DLGAP2: variants seen among roughly 807,000 people sequenced by gnomAD.
DLGAP2 encodes DLG associated protein 2.
Under a neutral mutation model 100.3 loss-of-function variants are expected in DLGAP2, and 26 were observed. The observed-to-expected ratio is 0.26, with a 90% CI of 0.19 to 0.36. DLGAP2 has a LOEUF of 0.36. Ranked by LOEUF, DLGAP2 falls within the 10% of genes least tolerant of loss-of-function variation. The pLI is 1.00. For missense variants in DLGAP2, 1,858 were observed against 1,453.2 expected (o/e 1.28, Z -4.53); for synonymous variants, 886 against 630.1 (o/e 1.41, Z -6.08).
intron 2 of DLGAP2, among the ~76,000 whole-genome samples, chr8:1,065,863 C>G (rs1331620256): frequency 6.6e-6 from 1 of 152,156 alleles, no homozygotes; most frequent in Non-Finnish European, 1.5e-5. Context: ...GAAATCTTTC[C>G]TAGCTATTTG....
At chr8:1,487,893 G>A (rs568854210) in intron 3 of DLGAP2, among the ~76,000 whole-genome samples, 1 of 152,362 alleles carries the variant, frequency 6.6e-6, no homozygotes, top group African/African-American at 2.4e-5. Flanking sequence ...GGTCACCACA[G>A]TTGCTGGAGC....
chr8:789,955 T>C (rs1415574292), intron 1 of DLGAP2, among the ~76,000 whole-genome samples: 1 of 152,198 alleles, frequency 6.6e-6, no homozygotes, highest in Non-Finnish European at 1.5e-5. Flanking sequence ...CTGATCTCTG[T>C]TTTGTCCTGT....
At chr8:905,921 G>A (rs1360584628) in intron 1 of DLGAP2, among the ~76,000 whole-genome samples, 1 of 151,710 alleles carries the variant, frequency 6.6e-6, no homozygotes, top group African/African-American at 2.4e-5. Context: ...GACCATGAAA[G>A]GGCAGCGATG....
chr8:915,363 C>T (rs912172515), intron 2 of DLGAP2, among the ~76,000 whole-genome samples: 22 of 152,208 alleles, frequency 1.4e-4, no homozygotes, highest in African/African-American at 3.1e-4. Context: ...CTGGCTAACA[C>T]GGTGAAACCC....
At chr8:1,257,748 G>A (rs1234841053) in intron 2 of DLGAP2, among the ~76,000 whole-genome samples, 1 of 151,358 alleles carries the variant, frequency 6.6e-6, no homozygotes, top group African/African-American at 2.4e-5. Context: ...CAGCGCTGAC[G>A]TGGAAGAGCC....
At chr8:1,617,740 T>A (rs1797203769) in intron 6 of DLGAP2, among the ~76,000 whole-genome samples, 1 of 152,182 alleles carries the variant, frequency 6.6e-6, no homozygotes, top group Non-Finnish European at 1.5e-5. Context: ...TCTACCATAA[T>A]GGACAGCGCA....
intron 3 of DLGAP2, among the ~76,000 whole-genome samples, chr8:1,373,502 C>A (rs1241989553): frequency 6.6e-6 from 1 of 152,230 alleles, no homozygotes; most frequent in African/African-American, 2.4e-5. Flanking sequence ...GTGGACACGT[C>A]TGCCCACAAA....
chr8:1,466,345 C>T (rs1374076804), intron 3 of DLGAP2, among the ~76,000 whole-genome samples: 1 of 152,124 alleles, frequency 6.6e-6, no homozygotes, highest in Admixed American at 6.5e-5. Flanking sequence ...CCCTCATCCT[C>T]AGCCGTGGCT....
At chr8:1,661,765 G>A (rs952187580) in intron 8 of DLGAP2, among the ~76,000 whole-genome samples, 1 of 152,198 alleles carries the variant, frequency 6.6e-6, no homozygotes, top group East Asian at 1.9e-4. Context: ...AGATAAGACA[G>A]ATGTAACTTT....
intron 5 of DLGAP2, among the ~76,000 whole-genome samples, chr8:1,563,186 G>T (rs1366868303): frequency 3.5e-5 from 2 of 57,614 alleles, no homozygotes; most frequent in African/African-American, 1.3e-4. Context: ...GCTGTGTGGT[G>T]TTGGGGTGTC....
chr8:1,229,589 T>C (rs541038439), intron 2 of DLGAP2, among the ~76,000 whole-genome samples: 1 of 152,160 alleles, frequency 6.6e-6, no homozygotes, highest in East Asian at 1.9e-4. Flanking sequence ...CATTTCTGAT[T>C]GTGCTTATTG....
At chr8:1,104,423 G>A (rs952655803) in intron 2 of DLGAP2, among the ~76,000 whole-genome samples, 1 of 152,216 alleles carries the variant, frequency 6.6e-6, no homozygotes, top group South Asian at 2.1e-4. Flanking sequence ...TCATGTTACG[G>A]AAATCCCTTT....
chr8:1,458,163 C>A (rs1798375019), intron 3 of DLGAP2, among the ~76,000 whole-genome samples: 2 of 151,788 alleles, frequency 1.3e-5, no homozygotes, highest in Admixed American at 6.6e-5. Context: ...GCCTCGGCCT[C>A]CCAAAGTGCT....
chr8:1,346,567 GT>G (rs1440219799), intron 3 of DLGAP2, among the ~76,000 whole-genome samples: 2 of 151,268 alleles, frequency 1.3e-5, no homozygotes, highest in Non-Finnish European at 2.9e-5. Context: ...CTGTGTGGGT[GT>G]TGAGTTCCCA....
At chr8:1,409,462 A>G (rs1342105906) in intron 3 of DLGAP2, among the ~76,000 whole-genome samples, 1 of 152,220 alleles carries the variant, frequency 6.6e-6, no homozygotes. Flanking sequence ...CTCAGTAAAG[A>G]CTGATTTCAG....
At chr8:1,200,696 G>C (rs1282198144) in intron 2 of DLGAP2, among the ~76,000 whole-genome samples, 2 of 151,670 alleles carry the variant, frequency 1.3e-5, no homozygotes, top group Admixed American at 6.5e-5. Flanking sequence ...ACCTTCAAAG[G>C]TTGGATCTTA....
At chr8:976,625 A>G (rs2077677047) in intron 2 of DLGAP2, among the ~76,000 whole-genome samples, 1 of 151,824 alleles carries the variant, frequency 6.6e-6, no homozygotes, top group Admixed American at 6.6e-5. Context: ...AAAACAAAAA[A>G]CAGAAAATAG....
At chr8:909,496 G>A (rs181728437) in intron 2 of DLGAP2, among the ~76,000 whole-genome samples, 104 of 151,496 alleles carry the variant, frequency 6.9e-4, no homozygotes, top group African/African-American at 2.4e-3. Context: ...TTCTGTAAAT[G>A]GTTTTAAGTT....
intron 3 of DLGAP2, among the ~76,000 whole-genome samples, chr8:1,265,225 A>C (rs1043165335): frequency 1.3e-5 from 2 of 152,244 alleles, no homozygotes; most frequent in Non-Finnish European, 2.9e-5. Flanking sequence ...CAAAAGAAAC[A>C]GGAGCCATAA....
Sources: gnomAD v4.1 joint callset for allele counts (sites outside exome capture counted in the v4.1 genomes callset) on GRCh38, gnomAD v4.1.1 for gene constraint, MANE v1.5 for transcripts, NCBI Gene and HGNC (gene_info 2026-07-23, HGNC 2026-07-21) for gene names.